Variants in RBFOX1 observed in about 807,000 individuals in gnomAD.
RBFOX1 encodes the protein RNA binding fox-1 homolog 1, also known as RNA binding protein fox-1 homolog 1.
In RBFOX1, 8 loss-of-function variants were observed where a neutral mutation model predicts 57.7. That is an observed-to-expected ratio of 0.14 (90% CI 0.08 to 0.25). RBFOX1 has a LOEUF of 0.25. Among genes scored for constraint, RBFOX1 ranks in the 10% least tolerant of loss-of-function variants. RBFOX1 has a pLI of 1.00. For missense variants in RBFOX1, 611 were observed against 548.5 expected (o/e 1.11, Z -1.14); for synonymous variants, 326 against 222.4 (o/e 1.47, Z -4.15).
intron 2 of RBFOX1, among the ~76,000 whole-genome samples, chr16:5,508,354 C>A (rs1264545364): frequency 6.6e-6 from 1 of 152,214 alleles, no homozygotes; most frequent in African/African-American, 2.4e-5. Flanking sequence ...CATCTCCCCA[C>A]TCCAATGCGG....
intron 4 of RBFOX1, among the ~76,000 whole-genome samples, chr16:7,123,958 C>A (rs1035269086): frequency 1.3e-5 from 2 of 152,146 alleles, no homozygotes. Context: ...AATGCTACAT[C>A]AGTGACTATT....
chr16:6,430,122 AAAAACAGAAAAAC>A (rs376170346), intron 2 of RBFOX1, among the ~76,000 whole-genome samples: 1,526 of 150,682 alleles, frequency 0.01, 32 homozygotes, highest in African/African-American at 0.034. Context: ...AAGAAAAAAA[AAAAACAGAAAAAC>A]AAACAGAAAA....
At chr16:7,494,559 C>G (rs1285406152) in intron 4 of RBFOX1, among the ~76,000 whole-genome samples, 2 of 152,164 alleles carry the variant, frequency 1.3e-5, no homozygotes, top group Non-Finnish European at 2.9e-5. Flanking sequence ...AGATGTTCAG[C>G]ATAGTGATAA....
intron 3 of RBFOX1, among the ~76,000 whole-genome samples, chr16:7,012,541 C>A (rs2093701780): frequency 6.6e-6 from 1 of 152,182 alleles, no homozygotes; most frequent in Non-Finnish European, 1.5e-5. Context: ...CATTGGAACA[C>A]CTTATTTCTG....
chr16:5,833,091 C>T (rs1245826219), intron 3 of RBFOX1, among the ~76,000 whole-genome samples: 1 of 152,122 alleles, frequency 6.6e-6, no homozygotes, highest in Non-Finnish European at 1.5e-5. Context: ...CAGGACAATG[C>T]AAGGGTCTGG....
chr16:6,647,616 G>A (rs2098544421), intron 2 of RBFOX1, among the ~76,000 whole-genome samples: 1 of 152,122 alleles, frequency 6.6e-6, no homozygotes. Context: ...TCCAAATACA[G>A]CCACACTGAG....
At chr16:5,641,839 C>T (rs2048885525) in intron 3 of RBFOX1, among the ~76,000 whole-genome samples, 6 of 152,180 alleles carry the variant, frequency 3.9e-5, no homozygotes, top group Admixed American at 3.9e-4. Flanking sequence ...TCAAGGAGCA[C>T]ATCACAGAGC....
chr16:6,511,513 G>A (rs564210958), intron 2 of RBFOX1, among the ~76,000 whole-genome samples: 9 of 152,286 alleles, frequency 5.9e-5, no homozygotes, highest in South Asian at 2.1e-4. Flanking sequence ...CATGTCTGCA[G>A]AGACAAGGAG....
chr16:5,870,498 G>A (rs896149819), intron 4 of RBFOX1, among the ~76,000 whole-genome samples: 4 of 151,948 alleles, frequency 2.6e-5, no homozygotes, highest in African/African-American at 9.7e-5. Flanking sequence ...GTGAGATGAA[G>A]GGAATTAGGA....
intron 2 of RBFOX1, among the ~76,000 whole-genome samples, chr16:6,598,419 T>C (rs561755162): frequency 2.6e-5 from 4 of 152,336 alleles, no homozygotes; most frequent in Admixed American, 1.3e-4. Flanking sequence ...AAAGTAAAAG[T>C]GTAACCAGTG....
intron 1 of RBFOX1, among the ~76,000 whole-genome samples, chr16:5,245,298 G>A (rs1000899679): frequency 3.3e-5 from 5 of 152,200 alleles, no homozygotes; most frequent in African/African-American, 1.2e-4. Context: ...ACAGTGTCAG[G>A]CAAGGACAGG....
intron 1 of RBFOX1, among the ~76,000 whole-genome samples, chr16:6,151,794 C>T (rs2096799554): frequency 6.6e-6 from 1 of 152,210 alleles, no homozygotes; most frequent in South Asian, 2.1e-4. Flanking sequence ...TCACTTCTTT[C>T]TTTGCCTGTA....
At chr16:7,407,212 A>AG (rs1447801744) in intron 4 of RBFOX1, among the ~76,000 whole-genome samples, 5 of 152,136 alleles carry the variant, frequency 3.3e-5, no homozygotes, top group African/African-American at 1.2e-4. Context: ...TCACATCCAT[A>AG]AACTCCCTCT....
intron 1 of RBFOX1, among the ~76,000 whole-genome samples, chr16:5,322,028 A>T (rs2064424327): frequency 6.6e-6 from 1 of 152,088 alleles, no homozygotes; most frequent in South Asian, 2.1e-4. Context: ...CATCCTACAG[A>T]TGAAGAAGCT....
chr16:6,888,084 T>C (rs1219858571), intron 3 of RBFOX1, among the ~76,000 whole-genome samples: 1 of 152,096 alleles, frequency 6.6e-6, no homozygotes, highest in African/African-American at 2.4e-5. Context: ...TAGTGTAAAA[T>C]TTTTAATAAG....
chr16:5,322,810 G>C (rs2064449851), intron 1 of RBFOX1, among the ~76,000 whole-genome samples: 3 of 152,182 alleles, frequency 2.0e-5, no homozygotes, highest in Admixed American at 2.0e-4. Flanking sequence ...TACTTATTTT[G>C]AGAGTTAAAT....
chr16:7,105,148 G>A (rs6500917), intron 4 of RBFOX1, among the ~76,000 whole-genome samples: 93,982 of 151,854 alleles, frequency 0.62, 29,339 homozygotes, highest in African/African-American at 0.7. Flanking sequence ...GCCTGTCATT[G>A]CTTCAGCTTA....
intron 4 of RBFOX1, among the ~76,000 whole-genome samples, chr16:7,249,305 A>G (rs1415267606): frequency 6.6e-6 from 1 of 152,082 alleles, no homozygotes; most frequent in Non-Finnish European, 1.5e-5. Context: ...ATGAACCCTG[A>G]AAGTGGTGCA....
chr16:5,429,143 G>C (rs1000370857), intron 1 of RBFOX1, among the ~76,000 whole-genome samples: 2 of 152,130 alleles, frequency 1.3e-5, no homozygotes, highest in Admixed American at 1.3e-4. Flanking sequence ...CAGCCCTGCA[G>C]TGTTTTCTTT....
Sources: gnomAD v4.1 joint callset for allele counts (sites outside exome capture counted in the v4.1 genomes callset) on GRCh38, gnomAD v4.1.1 for gene constraint, MANE v1.5 for transcripts, NCBI Gene and HGNC (gene_info 2026-07-23, HGNC 2026-07-21) for gene names.